AFF1: variants seen among roughly 807,000 people sequenced by gnomAD.
AFF1 encodes the protein AF4/FMR2 family member 1.
Under a neutral mutation model 121.7 loss-of-function variants are expected in AFF1, and 48 were observed. The observed-to-expected ratio is 0.39, with a 90% CI of 0.31 to 0.50. AFF1 has a LOEUF of 0.50. Among genes scored for constraint, AFF1 ranks in the 20% least tolerant of loss-of-function variants. The pLI is 0.76. For synonymous variants in AFF1, 613 were observed against 563.0 expected (o/e 1.09, Z -1.26); for missense variants, 1,523 against 1,511.7 (o/e 1.01, Z -0.12).
intron 2 of AFF1, chr4:86,973,805 C>CT (rs908071651): frequency 1.4e-5 from 2 of 144,884 alleles, no homozygotes; most frequent in Admixed American, 6.9e-5. Flanking sequence ...TTCCCTTTTC[C>CT]TTTCCCTTTT....
chr4:87,094,658 A>G (rs928341951), intron 7 of AFF1, among the ~76,000 whole-genome samples: 17 of 152,218 alleles, frequency 1.1e-4, no homozygotes, highest in African/African-American at 4.1e-4. Context: ...GTCTTCCAAC[A>G]GGTAGGTAAG....
At chr4:86,960,078 G>A (rs1722035920) in intron 2 of AFF1, among the ~76,000 whole-genome samples, 2 of 152,136 alleles carry the variant, frequency 1.3e-5, no homozygotes, top group Admixed American at 1.3e-4. Flanking sequence ...CTCATTACTT[G>A]TAAACAAAGC....
At position 87,132,352 on chromosome 4, in the gene AFF1, TA is replaced by T; in HGVS notation, c.3258del (p.Lys1086AsnfsTer37). 2 of 1,613,532 alleles carry T rather than the reference TA, an allele frequency of 1.2e-6. No individual in the cohort carries two copies. Among genetic ancestry groups the T allele is most frequent in the Non-Finnish European group, 1.7e-6 (2 of 1,179,854 alleles). On this transcript the variant is annotated frameshift_variant, in exon 19 of 21. Transcript: ENST00000395146. LOFTEE classifies it high-confidence loss of function. ...IAIKYSRTLN[K>X]HFESSSKVAQ... ...CAATAAAGTATTCTCGTACTCTTAA[TA>T]AACACTTCGAGAGTTCTTCCAAAGT...
intron 2 of AFF1, among the ~76,000 whole-genome samples, chr4:86,992,370 C>G (rs994260532): frequency 6.6e-6 from 1 of 152,170 alleles, no homozygotes. Flanking sequence ...TCAGTAAATT[C>G]ATATTACTTA....
intron 5 of AFF1, among the ~76,000 whole-genome samples, chr4:87,084,451 G>A (rs997265417): frequency 1.3e-5 from 2 of 151,848 alleles, no homozygotes; most frequent in Non-Finnish European, 2.9e-5. Context: ...GCTGAGTCAG[G>A]CCTCCTGAAC....
chr4:86,953,237 A>T (rs1721500034), intron 2 of AFF1, among the ~76,000 whole-genome samples: 2 of 152,144 alleles, frequency 1.3e-5, no homozygotes, highest in East Asian at 3.9e-4. Context: ...GTTTGGGGAT[A>T]TCCTTTAAAA....
chr4:87,137,183 GCA>G lies in AFF1; in HGVS notation c.*1486_*1487del. ...TTTATCCCTTTTAGAAGTAGAATTT[GCA>G]CACTTACTACAATTGAGGAGTGTCA... On this transcript the variant is annotated 3_prime_UTR_variant, in exon 21 of 21. Coordinates refer to ENST00000395146, the MANE Select transcript of AFF1 (RefSeq NM_001166693.3). 4.4e-6 allele frequency: 1 copy of G among 228,098 alleles called. No individual in the cohort carries two copies. Among genetic ancestry groups the G allele is most frequent in the Non-Finnish European group, 8.7e-6 (1 of 114,704 alleles). The allele number at this position is 228,098 out of a possible 1,614,324, so 14.1% of individuals were successfully genotyped here.
chr4:87,094,884 T>A, intron 7 of AFF1, 31 bp from the exon 8 acceptor site: 1 of 1,606,696 alleles, frequency 6.2e-7, no homozygotes, highest in African/African-American at 1.3e-5. Flanking sequence ...TATGTGTCAT[T>A]GTGCTGCTTT....
chr4:87,131,856 T>C lies in AFF1; in HGVS notation c.3165T>C (p.Ala1055=), dbSNP rs1728859612. 1.3e-6 allele frequency: 2 copies of C among 1,585,540 alleles called. No homozygotes were observed. Among genetic ancestry groups the C allele is most frequent in the Admixed American group, 2.0e-5 (1 of 50,944 alleles). The change falls in exon 18 of 21, where the codon GCT becomes GCC. Residue 1055 remains alanine, a synonymous_variant. Coordinates refer to ENST00000395146, the MANE Select transcript of AFF1 (RefSeq NM_001166693.3). The part of the protein sequence containing the change: ...ATAPTQEKIF[A]VLCMRCQSIL... ...CGCCAACACAAGAGAAAATATTTGC[T>C]GTTTTATGGTGCGTATTTTCCTTTG...
intron 4 of AFF1, among the ~76,000 whole-genome samples, chr4:87,077,064 T>TC (rs1387941090): frequency 6.6e-6 from 1 of 152,236 alleles, no homozygotes; most frequent in Admixed American, 6.5e-5. Flanking sequence ...TCTTATTTCT[T>TC]CCTCAAAACA....
intron 4 of AFF1, among the ~76,000 whole-genome samples, chr4:87,049,970 T>C (rs2149623589): frequency 6.6e-6 from 1 of 152,340 alleles, no homozygotes; most frequent in South Asian, 2.1e-4. Context: ...TAATTTTCTG[T>C]TTATACACTT....
chr4:86,968,489 G>A lies in AFF1; in HGVS notation c.38+19918G>A, dbSNP rs147130255. Among the ~76,000 whole-genome samples, 351 of 152,244 alleles carry A rather than the reference G, an allele frequency of 2.3e-3. 1 individual carries two copies. Among genetic ancestry groups the A allele is most frequent in the African/African-American group, 8.0e-3 (333 of 41,524 alleles). ...CGTACAGTTTTCAGTATTCACAATG[G>A]CAGAAGTATGATATTTCGACTGTGC... On this transcript the variant is annotated intron_variant, in intron 2 of 20. Transcript: ENST00000395146.
chr4:87,091,739 T>C (rs931537565), intron 6 of AFF1, 54 bp from the exon 7 acceptor site: 3 of 1,222,916 alleles, frequency 2.5e-6, no homozygotes, highest in African/African-American at 3.1e-5. Flanking sequence ...GTTTTCTCTT[T>C]AACTTTATAA....
chr4:86,979,986 C>T (rs1029875492), intron 2 of AFF1, among the ~76,000 whole-genome samples: 22 of 152,340 alleles, frequency 1.4e-4, no homozygotes, highest in African/African-American at 5.3e-4. Context: ...CCTCAGCTCA[C>T]TGCAACCTCT....
chr4:87,037,190 CT>C (rs768695379), intron 2 of AFF1, among the ~76,000 whole-genome samples: 4 of 152,114 alleles, frequency 2.6e-5, no homozygotes, highest in Non-Finnish European at 5.9e-5. Context: ...TTAATCAGAA[CT>C]TTTATACAAA....
intron 2 of AFF1, among the ~76,000 whole-genome samples, chr4:87,040,086 T>G (rs1309602287): frequency 6.6e-6 from 1 of 152,120 alleles, no homozygotes; most frequent in East Asian, 1.9e-4. Flanking sequence ...GAGACAGGGT[T>G]TCGCCATGTG....
intron 2 of AFF1, among the ~76,000 whole-genome samples, chr4:86,969,648 A>C (rs1272879841): frequency 7.9e-5 from 12 of 151,400 alleles, no homozygotes; most frequent in African/African-American, 2.9e-4. Context: ...AGGGAGGCCG[A>C]GGCAGGCGGA....
intron 16 of AFF1, 91 bp from the exon 17 acceptor site, chr4:87,130,992 C>T: frequency 2.0e-6 from 3 of 1,502,850 alleles, no homozygotes; most frequent in Non-Finnish European, 2.7e-6. Context: ...TAAACTAAGA[C>T]AGTGGAGGAA....
At chr4:87,023,915 T>C (rs1194869398) in intron 2 of AFF1, among the ~76,000 whole-genome samples, 1 of 152,006 alleles carries the variant, frequency 6.6e-6, no homozygotes, top group African/African-American at 2.4e-5. Flanking sequence ...CTGGAAAAAA[T>C]GGATTCTTTG....
Sources: allele counts gnomAD v4.1 joint callset (sites outside exome capture counted in the v4.1 genomes callset), GRCh38; gene constraint gnomAD v4.1.1; transcripts MANE v1.5; gene names NCBI Gene and HGNC (gene_info 2026-07-23, HGNC 2026-07-21).